The following CTBP2 variants were observed in gnomAD, a reference collection of about 807,000 sequenced individuals.
CTBP2 encodes C-terminal binding protein 2.
A neutral mutation model predicts 80.3 loss-of-function variants in CTBP2; 30 were observed. The observed-to-expected ratio is 0.37, with a 90% CI of 0.28 to 0.51. The LOEUF is 0.51. CTBP2 is among the 20% of genes least tolerant of loss of function. The pLI is 0.93. For missense variants in CTBP2, 1,212 were observed against 1,375.3 expected, an observed-to-expected ratio of 0.88 and a Z score of 1.88; for synonymous variants, 594 against 587.4, an observed-to-expected ratio of 1.01 and a Z score of -0.16.
intron 1 of CTBP2, among the ~76,000 whole-genome samples, chr10:125,021,551 G>T (rs1213345294): frequency 2.0e-5 from 3 of 151,968 alleles, no homozygotes; most frequent in Non-Finnish European, 4.4e-5. Context: ...GTCTGGTAAG[G>T]GGGCACAACC....
chr10:125,060,999 GC>G (rs1352941898), intron 2 of CTBP2, among the ~76,000 whole-genome samples: 5 of 152,172 alleles, frequency 3.3e-5, no homozygotes, highest in Non-Finnish European at 7.4e-5. Flanking sequence ...GCAGCCCATA[GC>G]CAGCCCCTGC....
At chr10:125,000,279 C>G (rs1378259821) in intron 3 of CTBP2, 2 of 152,168 alleles carry the variant, frequency 1.3e-5, no homozygotes, top group Non-Finnish European at 1.5e-5. Flanking sequence ...TCGGAGGGAG[C>G]ATCTTCTTAG....
chr10:125,062,838 A>G (rs902726402), intron 2 of CTBP2, among the ~76,000 whole-genome samples: 2 of 152,258 alleles, frequency 1.3e-5, no homozygotes, highest in Non-Finnish European at 2.9e-5. Flanking sequence ...GCGCCTGGGC[A>G]ACAAAGCGAG....
intron 2 of CTBP2, among the ~76,000 whole-genome samples, chr10:125,098,584 C>T (rs1049941600): frequency 1.3e-5 from 2 of 150,512 alleles, no homozygotes; most frequent in African/African-American, 4.9e-5. Flanking sequence ...TGTACCTGTG[C>T]CCTGCACCTT....
At chr10:125,153,853 G>T (rs1159772494) in intron 1 of CTBP2, among the ~76,000 whole-genome samples, 2 of 152,198 alleles carry the variant, frequency 1.3e-5, no homozygotes, top group East Asian at 1.9e-4. Flanking sequence ...TCCTGGGACG[G>T]GACAGATTGC....
rs3213907 is a variant in CTBP2 at position 124,992,650 on chromosome 10, G to A, written c.2777+45C>T. On this transcript the variant is annotated intron_variant, in intron 8 of 8. Coordinates refer to ENST00000309035, the MANE Select transcript of CTBP2 (RefSeq NM_022802.3). Reference sequence around the variant, plus strand: ...TTGGGCTTCTCTCCCTGGCCCCGGGGCCGTGGTGCTCACAAGCTGAGACAA... The same window carrying A: ...TTGGGCTTCTCTCCCTGGCCCCGGGACCGTGGTGCTCACAAGCTGAGACAA... The A allele has an allele frequency of 1.3e-5, 19 of 1,435,456 alleles. No individual in the cohort carries two copies. In the South Asian group the frequency reaches 1.7e-4, roughly 13 times the overall value. 88.9% of individuals were successfully genotyped at this position (1,435,456 alleles called of 1,614,324 possible).
intron 1 of CTBP2, among the ~76,000 whole-genome samples, chr10:125,154,139 G>A (rs1860503134): frequency 6.6e-6 from 1 of 152,238 alleles, no homozygotes; most frequent in South Asian, 2.1e-4. Context: ...CTGATCAGAG[G>A]AGAGCTTTGG....
intron 1 of CTBP2, among the ~76,000 whole-genome samples, chr10:125,018,104 G>A (rs1053407546): frequency 9.8e-5 from 15 of 152,336 alleles, no homozygotes; most frequent in Middle Eastern, 6.8e-3. Flanking sequence ...CGTGCCTGAG[G>A]ATCATCATGG....
At chr10:125,019,706 C>T (rs1564720195) in intron 1 of CTBP2, among the ~76,000 whole-genome samples, 1 of 152,224 alleles carries the variant, frequency 6.6e-6, no homozygotes, top group Non-Finnish European at 1.5e-5. Flanking sequence ...ACTAACATTC[C>T]TGGAGGACAA....
intron 1 of CTBP2, among the ~76,000 whole-genome samples, chr10:125,126,635 C>T (rs1011059372): frequency 2.0e-5 from 3 of 152,182 alleles, no homozygotes; most frequent in Non-Finnish European, 4.4e-5. Context: ...CAGATGTGCT[C>T]GCACCTCCCG....
At chr10:125,161,318 C>G (rs956264484), upstream of CTBP2, 6 of 152,106 alleles carry the variant, frequency 3.9e-5, no homozygotes, top group Non-Finnish European at 8.8e-5. Context: ...GGCCGAGGTC[C>G]TGTCGCGGTG....
chr10:125,143,151 G>A (rs1450537951), intron 1 of CTBP2, among the ~76,000 whole-genome samples: 2 of 152,176 alleles, frequency 1.3e-5, no homozygotes, highest in Non-Finnish European at 2.9e-5. Context: ...GCACACAGTA[G>A]GGGTGCACCT....
rs556566475 is a variant in CTBP2 at position 125,033,832 on chromosome 10, G to A, written c.58+5165C>T. Among the ~76,000 whole-genome samples, 7 of 152,210 alleles carry A rather than the reference G, an allele frequency of 4.6e-5. No homozygotes were observed. In the South Asian group the frequency reaches 6.2e-4, roughly 14 times the overall value. On this transcript the variant is annotated intron_variant, in intron 3 of 10. Coordinates refer to the CTBP2 transcript ENST00000337195. ...CTGGGCAGCTGGGCCCAGGGGCTCC[G>A]GGCCACACTGTGGGAGGTTTCAACT...
At chr10:125,145,783 C>T (rs1858662751) in intron 1 of CTBP2, among the ~76,000 whole-genome samples, 1 of 152,190 alleles carries the variant, frequency 6.6e-6, no homozygotes, top group Admixed American at 6.5e-5. Flanking sequence ...TGTGCACACT[C>T]TCCAGGATTT....
At chr10:125,001,676 C>T (rs960997942) in intron 3 of CTBP2, among the ~76,000 whole-genome samples, 2 of 152,152 alleles carry the variant, frequency 1.3e-5, no homozygotes, top group African/African-American at 4.8e-5. Flanking sequence ...GGGATTTGCC[C>T]GTGGGGCAGC....
chr10:125,021,996 T>C (rs1455261776), intron 1 of CTBP2, among the ~76,000 whole-genome samples: 1 of 152,230 alleles, frequency 6.6e-6, no homozygotes, highest in Admixed American at 6.5e-5. Flanking sequence ...GGAATGTTTT[T>C]ACTACGCAGG....
rs771915241 is a variant in CTBP2 at position 125,026,842 on chromosome 10, C to T, written c.918G>A (p.Thr306=). The T allele has an allele frequency of 8.7e-6, 14 of 1,613,614 alleles. No homozygotes were observed. The highest frequency in any genetic ancestry group is 1.1e-5 in the Non-Finnish European group (13 of 1,179,992). The stretch of plus-strand genomic sequence containing the variant: ...AGCCCTGCTGCAGTAGGGCTCCCAG[C>T]GTGGCCTCTGCCAGCCCCTCCGCCC... Residue 306 remains threonine (T), a synonymous_variant, in exon 1 of 9, where the codon ACG becomes ACA. Coordinates refer to ENST00000309035, the MANE Select transcript of CTBP2 (RefSeq NM_022802.3).
chr10:125,128,711 A>G lies in CTBP2; in HGVS notation c.-205-17618T>C, dbSNP rs1391294170. ...TTTAAAAAATAGCTGACTTCCATAC[A>G]TGATCAGTGGAAGCATAAAATGTTA... On this transcript the variant is annotated intron_variant, in intron 1 of 10. Transcript: ENST00000337195. 2.6e-5 allele frequency among the ~76,000 whole-genome samples: 4 copies of G among 152,358 alleles called. No homozygotes were observed. The East Asian group carries it at 5.8e-4, about 22-fold the overall frequency.
chr10:125,118,059 C>T (rs549037877), intron 1 of CTBP2, among the ~76,000 whole-genome samples: 6 of 152,328 alleles, frequency 3.9e-5, no homozygotes, highest in South Asian at 2.1e-4. Flanking sequence ...TTTTAGAACT[C>T]GTCTTCCAAT....
Sources: gnomAD v4.1 joint callset for allele counts (sites outside exome capture counted in the v4.1 genomes callset) on GRCh38, gnomAD v4.1.1 for gene constraint, MANE v1.5 for transcripts, NCBI Gene and HGNC (gene_info 2026-07-23, HGNC 2026-07-21) for gene names.